The following PHIP variants were observed in gnomAD, a reference collection of about 807,000 sequenced individuals.
PHIP encodes the protein PHIP subunit of CUL4-Ring ligase complex.
A neutral mutation model predicts 236.8 loss-of-function variants in PHIP; 54 were observed. The ratio of observed to expected loss-of-function variants is 0.23; its 90% CI spans 0.18 to 0.29. The LOEUF (loss-of-function observed/expected upper bound fraction) is 0.29, where lower values mean the gene tolerates loss of function less well. PHIP is among the 10% of genes least tolerant of loss of function. The probability of loss-of-function intolerance (pLI) is 1.00; values close to 1 mark genes in which losing one functional copy is unlikely to be tolerated. For synonymous variants in PHIP, 756 were observed against 718.9 expected, an observed-to-expected ratio of 1.05 and a Z score of -0.83; for missense variants, 1,370 against 2,190.8, an observed-to-expected ratio of 0.63 and a Z score of 7.48.
intron 31 of PHIP, among the ~76,000 whole-genome samples, 165 bp downstream of exon 31, chr6:78,961,525 T>C (rs1316743188): frequency 6.6e-6 from 1 of 152,044 alleles, no homozygotes; most frequent in Admixed American, 6.6e-5. Flanking sequence ...GAATCTCAGG[T>C]CCCACTCCAA....
intron 24 of PHIP, among the ~76,000 whole-genome samples, chr6:78,972,650 T>C (rs10806154): frequency 0.29 from 43,365 of 151,914 alleles, 6,341 homozygotes; most frequent in Admixed American, 0.31. Flanking sequence ...GAAGAATGTG[T>C]AACTAGAATA....
At chr6:79,074,369 T>C (rs1340958081) in intron 4 of PHIP, among the ~76,000 whole-genome samples, 1 of 151,070 alleles carries the variant, frequency 6.6e-6, no homozygotes, top group Non-Finnish European at 1.5e-5. Flanking sequence ...GCAATCATCA[T>C]TAAGTGACAA....
Position 79,015,651 on chromosome 6 carries a change from A to G in PHIP, c.1368T>C (p.Gly456=), listed in dbSNP as rs761151976. 1.9e-6 allele frequency: 3 copies of G among 1,605,468 alleles called. No individual in the cohort carries two copies. Among genetic ancestry groups the G allele is most frequent in the Non-Finnish European group, 2.6e-6 (3 of 1,174,850 alleles). Reference sequence around the variant, plus strand: ...TCACCATCAGGACATGAATTAGTTGACCAGTGTAAGAATTCCAAACTTTCA... The same window carrying G: ...TCACCATCAGGACATGAATTAGTTGGCCAGTGTAAGAATTCCAAACTTTCA... The part of the protein sequence containing the change: ...MTLKVWNSYT[G]QLIHVLMGHE... The change falls in exon 14 of 40, where the codon GGT becomes GGC. Residue 456 remains glycine, a synonymous_variant. Transcript: ENST00000275034.
At chr6:79,029,063 GCT>G (rs1314530099) in intron 7 of PHIP, among the ~76,000 whole-genome samples, 2 of 152,216 alleles carry the variant, frequency 1.3e-5, no homozygotes, top group Admixed American at 6.5e-5. Flanking sequence ...GATTAAATTT[GCT>G]CTTTTTAGAC....
intron 29 of PHIP, among the ~76,000 whole-genome samples, chr6:78,964,986 G>T (rs1767039963): frequency 1.3e-5 from 2 of 152,118 alleles, no homozygotes; most frequent in African/African-American, 4.8e-5. Context: ...GAAGTGGAAA[G>T]AAAATATAAT....
intron 35 of PHIP, among the ~76,000 whole-genome samples, chr6:78,952,274 T>C (rs932999717): frequency 1.3e-5 from 2 of 151,654 alleles, no homozygotes; most frequent in Admixed American, 6.6e-5. Flanking sequence ...TACAAATTAG[T>C]TGGGCGTGGT....
At chr6:78,962,932 T>A (rs969907249) in intron 30 of PHIP, among the ~76,000 whole-genome samples, 165 bp downstream of exon 30, 1 of 152,198 alleles carries the variant, frequency 6.6e-6, no homozygotes, top group African/African-American at 2.4e-5. Context: ...TTTAAATAGT[T>A]AAGTCCTGTG....
Position 79,077,684 on chromosome 6 carries a change from C to A in PHIP, c.129+16G>T. 1 of 978,524 alleles carries A rather than the reference C, an allele frequency of 1.0e-6. No individual in the cohort carries two copies. The highest frequency in any genetic ancestry group is 4.5e-5 in the South Asian group (1 of 22,242). The allele number at this position is 978,524 out of a possible 1,614,324, so 60.6% of individuals were successfully genotyped here. On this transcript the variant is annotated intron_variant, in intron 3 of 39. Coordinates refer to ENST00000275034, the MANE Select transcript of PHIP (RefSeq NM_017934.7). Reference sequence around the variant, plus strand: ...CCGCGCGGCGGCGGGACGCGCCGGGCCGCCGCCGCCCTTACCTCCTTCTCG... The same window carrying A: ...CCGCGCGGCGGCGGGACGCGCCGGGACGCCGCCGCCCTTACCTCCTTCTCG...
At chr6:79,029,238 G>A (rs1167804690) in intron 7 of PHIP, among the ~76,000 whole-genome samples, 1 of 152,014 alleles carries the variant, frequency 6.6e-6, no homozygotes, top group Admixed American at 6.6e-5. Context: ...GAAGTTTGCT[G>A]CCCCTACCCC....
chr6:78,989,960 C>G (rs1439875292), intron 20 of PHIP, among the ~76,000 whole-genome samples: 3 of 152,054 alleles, frequency 2.0e-5, no homozygotes, highest in East Asian at 1.9e-4. Context: ...CTACTGATCC[C>G]AGGGTATGAT....
intron 7 of PHIP, among the ~76,000 whole-genome samples, chr6:79,031,005 G>GCCAGC (rs1771647617): frequency 6.6e-6 from 1 of 151,940 alleles, no homozygotes; most frequent in Admixed American, 6.6e-5. Flanking sequence ...GTATTGTAGT[G>GCCAGC]CGATCTCGGC....
chr6:79,051,905 T>C (rs1039846701), intron 6 of PHIP, among the ~76,000 whole-genome samples: 7 of 151,100 alleles, frequency 4.6e-5, no homozygotes, highest in Non-Finnish European at 7.4e-5. Context: ...AAATAAACAT[T>C]TTTTAAGTTA....
intron 12 of PHIP, 81 bp downstream of exon 12, chr6:79,017,265 A>T (rs1770879779): frequency 3.6e-6 from 3 of 829,190 alleles, no homozygotes; most frequent in Non-Finnish European, 5.6e-6. Flanking sequence ...TTTCCTATAC[A>T]GCTTCAAATA....
intron 7 of PHIP, 76 bp from the exon 8 acceptor site, chr6:79,026,240 C>T: frequency 5.0e-6 from 5 of 1,006,394 alleles, no homozygotes; most frequent in Non-Finnish European, 7.7e-6. Flanking sequence ...ATAAATCTAC[C>T]TGTTCTGTCC....
chr6:79,008,867 T>C (rs903328161), intron 15 of PHIP, among the ~76,000 whole-genome samples: 8 of 151,814 alleles, frequency 5.3e-5, no homozygotes, highest in Admixed American at 3.9e-4. Flanking sequence ...ATATTTCCAC[T>C]AATAAAACCA....
chr6:78,972,034 A>T (rs1348149144), intron 24 of PHIP, among the ~76,000 whole-genome samples: 5 of 152,118 alleles, frequency 3.3e-5, no homozygotes, highest in Non-Finnish European at 7.4e-5. Context: ...CCACAGCTCA[A>T]GGAGGCCTGC....
chr6:79,062,643 T>G (rs1007890090), intron 4 of PHIP, among the ~76,000 whole-genome samples: 2 of 152,226 alleles, frequency 1.3e-5, no homozygotes, highest in Non-Finnish European at 2.9e-5. Flanking sequence ...TACTGTAATA[T>G]TCTATCTTTC....
At chr6:78,984,177 C>T (rs991007591) in intron 22 of PHIP, among the ~76,000 whole-genome samples, 4 of 152,096 alleles carry the variant, frequency 2.6e-5, no homozygotes, top group Admixed American at 6.6e-5. Context: ...TTTATAAGCA[C>T]GTACCTAAAT....
rs1324132806 is a variant in PHIP, at chr6:78,985,438, G to A, written c.2461-10C>T. 1.4e-6 allele frequency: 2 copies of A among 1,394,430 alleles called. No homozygotes were observed. Among genetic ancestry groups the A allele is most frequent in the East Asian group, 2.3e-5 (1 of 43,900 alleles). The allele number at this position is 1,394,430 out of a possible 1,614,324, so 86.4% of individuals were successfully genotyped here. Reference sequence around the variant, plus strand: ...CAACTACTTCGCCTTCCTAAGATATGTTGAATACATGTCTTATTGCATAAT... The same window carrying A: ...CAACTACTTCGCCTTCCTAAGATATATTGAATACATGTCTTATTGCATAAT... On this transcript the variant is annotated splice_polypyrimidine_tract_variant and intron_variant, in intron 21 of 39. Coordinates refer to ENST00000275034, the MANE Select transcript of PHIP (RefSeq NM_017934.7).
Sources: allele counts gnomAD v4.1 joint callset (sites outside exome capture counted in the v4.1 genomes callset), GRCh38; gene constraint gnomAD v4.1.1; transcripts MANE v1.5; gene names NCBI Gene and HGNC (gene_info 2026-07-23, HGNC 2026-07-21).